Variants in PTPRN2 observed in about 807,000 individuals in gnomAD.
PTPRN2 encodes receptor-type tyrosine-protein phosphatase N2.
Under a neutral mutation model 118.8 loss-of-function variants are expected in PTPRN2, and 74 were observed. The observed-to-expected ratio is 0.62, with a 90% CI of 0.52 to 0.76. The LOEUF (loss-of-function observed/expected upper bound fraction) is 0.76, where lower values mean the gene tolerates loss of function less well. Ranked by LOEUF, PTPRN2 falls within the 30% of genes least tolerant of loss-of-function variation. PTPRN2 has a pLI of 0.00. For missense variants in PTPRN2, 1,481 were observed against 1,394.4 expected, an observed-to-expected ratio of 1.06 and a Z score of -0.99; for synonymous variants, 641 against 608.0, an observed-to-expected ratio of 1.05 and a Z score of -0.80.
intron 3 of PTPRN2, among the ~76,000 whole-genome samples, chr7:158,258,513 C>T (rs1797178346): frequency 6.6e-6 from 1 of 152,214 alleles, no homozygotes; most frequent in Non-Finnish European, 1.5e-5. Flanking sequence ...GCCTGGGTGG[C>T]CGCCCTGCTG....
At chr7:157,818,987 C>T (rs899498928) in intron 12 of PTPRN2, among the ~76,000 whole-genome samples, 3 of 152,018 alleles carry the variant, frequency 2.0e-5, no homozygotes, top group African/African-American at 4.8e-5. Flanking sequence ...GCCCAGGCAC[C>T]CATGAAATCT....
chr7:158,408,319 C>CA (rs1313879214), intron 2 of PTPRN2, among the ~76,000 whole-genome samples: 1 of 152,084 alleles, frequency 6.6e-6, no homozygotes, highest in Non-Finnish European at 1.5e-5. Flanking sequence ...TTTAATAAGC[C>CA]AAAAGTATAA....
At chr7:158,221,240 G>T (rs1026788636) in intron 3 of PTPRN2, among the ~76,000 whole-genome samples, 9 of 151,918 alleles carry the variant, frequency 5.9e-5, no homozygotes, top group African/African-American at 2.2e-4. Context: ...AGATTTAAAT[G>T]TAAGACCTAA....
chr7:157,657,455 C>T (rs534858975), intron 13 of PTPRN2, among the ~76,000 whole-genome samples: 2 of 112,248 alleles, frequency 1.8e-5, no homozygotes, highest in African/African-American at 7.1e-5. Flanking sequence ...ACACATCACA[C>T]ATATACACAC....
chr7:158,392,612 C>T (rs1416127424), intron 2 of PTPRN2, among the ~76,000 whole-genome samples: 1 of 152,138 alleles, frequency 6.6e-6, no homozygotes, highest in Non-Finnish European at 1.5e-5. Flanking sequence ...GTCAACTCAC[C>T]GGGGTCTGAC....
chr7:158,158,168 CTTCCT>C (rs1294457125), intron 6 of PTPRN2, among the ~76,000 whole-genome samples: 3 of 152,188 alleles, frequency 2.0e-5, no homozygotes, highest in Admixed American at 1.3e-4. Flanking sequence ...GCAGCAGGTG[CTTCCT>C]TTCAAGTGAA....
chr7:158,068,575 G>C (rs1051048491), intron 11 of PTPRN2, among the ~76,000 whole-genome samples: 15 of 152,196 alleles, frequency 9.9e-5, no homozygotes, highest in Non-Finnish European at 1.5e-5. Flanking sequence ...CACTGGAACC[G>C]GGTGCCTATT....
intron 2 of PTPRN2, among the ~76,000 whole-genome samples, chr7:158,341,392 C>T (rs1399606612): frequency 6.6e-6 from 1 of 150,730 alleles, no homozygotes; most frequent in African/African-American, 2.5e-5. Flanking sequence ...CACACTCTCA[C>T]CATAAGAGCT....
At chr7:157,548,231 C>T (rs1327388874) in intron 22 of PTPRN2, among the ~76,000 whole-genome samples, 1 of 152,130 alleles carries the variant, frequency 6.6e-6, no homozygotes, top group Non-Finnish European at 1.5e-5. Context: ...GCAACAACAA[C>T]AACAAACAAA....
At chr7:158,102,973 G>A (rs1056048343) in intron 10 of PTPRN2, among the ~76,000 whole-genome samples, 14 of 152,192 alleles carry the variant, frequency 9.2e-5, no homozygotes, top group East Asian at 3.8e-4. Flanking sequence ...GGAGCCTGAC[G>A]GGACAGGAGC....
intron 7 of PTPRN2, among the ~76,000 whole-genome samples, chr7:158,136,920 G>A (rs1206217644): frequency 2.6e-5 from 4 of 152,200 alleles, no homozygotes; most frequent in Non-Finnish European, 5.9e-5. Context: ...TGGTAGACGT[G>A]AAGGCAGCCA....
At chr7:157,582,822 C>T (rs555759127) in intron 17 of PTPRN2, among the ~76,000 whole-genome samples, 33 of 151,276 alleles carry the variant, frequency 2.2e-4, no homozygotes, top group South Asian at 1.0e-3. Context: ...TGCAGTGAGC[C>T]GAGACCGTGT....
At chr7:158,074,648 C>T (rs1812209386) in intron 11 of PTPRN2, among the ~76,000 whole-genome samples, 6 of 152,066 alleles carry the variant, frequency 3.9e-5, no homozygotes, top group Admixed American at 3.9e-4. Context: ...AAGCTGGAGG[C>T]CCTGGGGGCT....
At chr7:157,940,391 T>G (rs1799974347) in intron 11 of PTPRN2, among the ~76,000 whole-genome samples, 1 of 152,128 alleles carries the variant, frequency 6.6e-6, no homozygotes, top group South Asian at 2.1e-4. Flanking sequence ...AATACTGAAA[T>G]TAAGAAATGA....
intron 3 of PTPRN2, among the ~76,000 whole-genome samples, chr7:158,263,871 G>T (rs1797705236): frequency 6.6e-6 from 1 of 152,182 alleles, no homozygotes. Context: ...GAGCCAGAGA[G>T]CAGCACCTCC....
At chr7:157,692,888 G>T (rs6970400) in intron 12 of PTPRN2, among the ~76,000 whole-genome samples, 1 of 152,002 alleles carries the variant, frequency 6.6e-6, no homozygotes, top group African/African-American at 2.4e-5. Flanking sequence ...AGAGAGAAGC[G>T]GTACTCGGGT....
At chr7:158,383,180 C>A (rs577174126) in intron 2 of PTPRN2, among the ~76,000 whole-genome samples, 2 of 152,298 alleles carry the variant, frequency 1.3e-5, no homozygotes, top group Admixed American at 6.5e-5. Context: ...TCAAAAGACA[C>A]ACCTCATGCA....
intron 6 of PTPRN2, among the ~76,000 whole-genome samples, chr7:158,161,816 T>A (rs4909288): frequency 0.63 from 94,981 of 151,618 alleles, 30,758 homozygotes; most frequent in East Asian, 0.84. Flanking sequence ...GGAGAAAATG[T>A]TTACAAAAGA....
Position 158,360,025 on chromosome 7 carries a change from A to C in PTPRN2, c.164-43093T>G, listed in dbSNP as rs570868920. Among the ~76,000 whole-genome samples the C allele has an allele frequency of 1.3e-5, 2 of 150,982 alleles. 1 individual carries two copies. Among genetic ancestry groups the C allele is most frequent in the Non-Finnish European group, 3.0e-5 (2 of 67,780 alleles). ...ACGCTGCATCCTTCCTCACCCAGAC[A>C]ACCCACAGATCCCAAGTCCACCCAC... On this transcript the variant is annotated intron_variant, in intron 2 of 22. Coordinates refer to ENST00000389418, the MANE Select transcript of PTPRN2 (RefSeq NM_002847.5).
Sources: allele counts gnomAD v4.1 joint callset (sites outside exome capture counted in the v4.1 genomes callset), GRCh38; gene constraint gnomAD v4.1.1; transcripts MANE v1.5; gene names NCBI Gene and HGNC (gene_info 2026-07-23, HGNC 2026-07-21).